The following SYNPO2 variants were observed in gnomAD, a reference collection of about 807,000 sequenced individuals.
The protein encoded by SYNPO2 is synaptopodin-2.
A neutral mutation model predicts 85.0 loss-of-function variants in SYNPO2; 56 were observed. That is an observed-to-expected ratio of 0.66 (90% confidence interval 0.53 to 0.82). SYNPO2 has a LOEUF of 0.82. Among genes scored for constraint, SYNPO2 ranks in the 40% least tolerant of loss-of-function variants. The pLI, the probability that SYNPO2 is intolerant of heterozygous loss-of-function variation, is 0.00. For synonymous variants in SYNPO2, 602 were observed against 591.1 expected (o/e 1.02, Z -0.27); for missense variants, 1,575 against 1,534.2 (o/e 1.03, Z -0.44).
chr4:119,004,568 A>G (rs1736951266), intron 1 of SYNPO2, among the ~76,000 whole-genome samples: 1 of 148,980 alleles, frequency 6.7e-6, no homozygotes, highest in Non-Finnish European at 1.5e-5. Flanking sequence ...ATCATTTTTT[A>G]TGGCTGCATA....
chr4:118,945,609 AAAGTTTCATAAC>A (rs1324662595), intron 1 of SYNPO2, among the ~76,000 whole-genome samples: 1 of 152,220 alleles, frequency 6.6e-6, no homozygotes, highest in Admixed American at 6.5e-5. Flanking sequence ...TTTATTTTCC[AAAGTTTCATAAC>A]ACAACATACC....
rs187604049 is a variant in SYNPO2, at chr4:119,032,994, A to G, written c.3252+967A>G. 8.6e-3 allele frequency: 8,419 copies of G among 978,930 alleles called. 40 individuals are homozygous for G. The highest frequency in any genetic ancestry group is 0.024 in the Middle Eastern group (45 of 1,906). The allele number at this position is 978,930 out of a possible 1,614,324, so 60.6% of individuals were successfully genotyped here. A position where few individuals can be genotyped will look rare whatever the true frequency, so the allele number is the denominator to read the frequency against. On this transcript the variant is annotated intron_variant, in intron 4 of 4. Coordinates refer to ENST00000307142, the MANE Select transcript of SYNPO2 (RefSeq NM_133477.3). The stretch of plus-strand genomic sequence containing the variant: ...TACATCTCCAGTTGCCCATGAAAGC[A>G]TAAGTTTGTTTTCCTCAGCTGAGGC...
At chr4:118,987,254 C>T (rs537241084) in intron 1 of SYNPO2, among the ~76,000 whole-genome samples, 5 of 152,250 alleles carry the variant, frequency 3.3e-5, no homozygotes, top group African/African-American at 1.2e-4. Flanking sequence ...CTCATAACAT[C>T]GAATGTCCCA....
At chr4:118,877,582 C>T (rs1484113846) in intron 1 of SYNPO2, among the ~76,000 whole-genome samples, 8 of 152,058 alleles carry the variant, frequency 5.3e-5, no homozygotes, top group South Asian at 2.1e-4. Flanking sequence ...GACATATACG[C>T]GGCCAACAAG....
chr4:118,964,221 G>A (rs1286945568), intron 1 of SYNPO2, among the ~76,000 whole-genome samples: 6 of 151,992 alleles, frequency 3.9e-5, no homozygotes, highest in East Asian at 3.9e-4. Flanking sequence ...AGGTTGAGGC[G>A]GGCAGATTAC....
intron 1 of SYNPO2, among the ~76,000 whole-genome samples, chr4:118,946,723 GTACTT>G (rs1445267024): frequency 1.3e-5 from 2 of 152,112 alleles, no homozygotes; most frequent in Non-Finnish European, 2.9e-5. Flanking sequence ...TTACAATAAA[GTACTT>G]TAGTCTCCTT....
intron 1 of SYNPO2, among the ~76,000 whole-genome samples, chr4:118,970,413 A>G (rs1735494761): frequency 6.6e-6 from 1 of 152,258 alleles, no homozygotes; most frequent in African/African-American, 2.4e-5. Context: ...CACAGTCACT[A>G]GTGAATAACT....
chr4:118,956,106 A>G (rs1042332260), intron 1 of SYNPO2, among the ~76,000 whole-genome samples: 1 of 152,216 alleles, frequency 6.6e-6, no homozygotes, highest in Non-Finnish European at 1.5e-5. Flanking sequence ...ATGGAATCCA[A>G]AGAAAAAGTA....
intron 1 of SYNPO2, among the ~76,000 whole-genome samples, chr4:118,999,754 T>C (rs552782447): frequency 6.6e-6 from 1 of 152,256 alleles, no homozygotes; most frequent in Admixed American, 6.5e-5. Context: ...GCAGGATAAA[T>C]CATATTTGAA....
intron 1 of SYNPO2, among the ~76,000 whole-genome samples, chr4:118,878,865 G>A (rs575905311): frequency 1.7e-4 from 26 of 152,318 alleles, no homozygotes; most frequent in Non-Finnish European, 1.5e-4. Context: ...CACCCACTCA[G>A]GTCCTTTTCT....
chr4:118,944,974 T>C (rs1734447059), intron 1 of SYNPO2, among the ~76,000 whole-genome samples: 1 of 152,216 alleles, frequency 6.6e-6, no homozygotes, highest in Admixed American at 6.5e-5. Context: ...GTGCATGACC[T>C]TGGACTAGTT....
chr4:118,851,061 T>TA (rs1205044454), intron 1 of SYNPO2: 4 of 397,532 alleles, frequency 1.0e-5, no homozygotes, highest in Non-Finnish European at 1.8e-5. Context: ...CTCATACCTT[T>TA]CATCTTTTCA....
intron 1 of SYNPO2, among the ~76,000 whole-genome samples, chr4:118,957,053 T>C (rs1241699865): frequency 6.8e-6 from 1 of 146,558 alleles, no homozygotes; most frequent in Non-Finnish European, 1.5e-5. Flanking sequence ...TCAAAAAAAA[T>C]AAAAAAAATA....
At chr4:118,862,684 G>C (rs562468969) in intron 1 of SYNPO2, among the ~76,000 whole-genome samples, 1 of 152,212 alleles carries the variant, frequency 6.6e-6, no homozygotes, top group South Asian at 2.1e-4. Flanking sequence ...ATCCCATTTG[G>C]TCATGATGAA....
intron 1 of SYNPO2, among the ~76,000 whole-genome samples, chr4:118,876,670 TTTCTTTCTTTCTTTCTTTCTTTC>T (rs1731920604): frequency 5.9e-4 from 1 of 1,706 alleles, no homozygotes; most frequent in African/African-American, 2.6e-3. Flanking sequence ...TTCCTTTCTC[TTTCTTTCTTTCTTTCTTTCTTTC>T]TTTCTTTCTT....
In SYNPO2 at chr4:119,026,943, C is replaced by T; in HGVS notation, c.574C>T (p.Gln192Ter). 1 of 1,614,032 alleles carries T rather than the reference C, an allele frequency of 6.2e-7. No individual in the cohort carries two copies. The highest frequency in any genetic ancestry group is 8.5e-7 in the Non-Finnish European group (1 of 1,180,026). ...CTTAAGGGAGAAGGTAGAAGCGGTACAGCCTGGGCCTGTGGTTGAGCTGCA... is the reference window on the plus strand; with the variant it reads ...CTTAAGGGAGAAGGTAGAAGCGGTATAGCCTGGGCCTGTGGTTGAGCTGCA... ...LILREKVEAV[Q>*]PGPVVELQLS... Residue 192 changes from glutamine (Q) to a stop codon, truncating the protein, a stop_gained, in exon 3 of 5, where the codon CAG becomes TAG. Transcript: ENST00000307142. LOFTEE classifies it high-confidence loss of function.
chr4:119,027,983 C>T (rs186307095), intron 3 of SYNPO2, among the ~76,000 whole-genome samples: 7 of 152,264 alleles, frequency 4.6e-5, no homozygotes, highest in Admixed American at 1.3e-4. Flanking sequence ...TGATCCTCTC[C>T]GTTGTGTAAG....
chr4:118,884,872 C>G (rs893448475), upstream of SYNPO2, among the ~76,000 whole-genome samples: 8 of 152,086 alleles, frequency 5.3e-5, no homozygotes. Flanking sequence ...GGTTAATAAC[C>G]TAGCATAGGA....
intron 1 of SYNPO2, among the ~76,000 whole-genome samples, chr4:118,977,558 G>C (rs933882376): frequency 6.6e-6 from 1 of 152,228 alleles, no homozygotes; most frequent in Admixed American, 6.5e-5. Context: ...GGCAGGGGAG[G>C]TGCCGAGAGC....
Sources: allele counts gnomAD v4.1 joint callset (sites outside exome capture counted in the v4.1 genomes callset), GRCh38; gene constraint gnomAD v4.1.1; transcripts MANE v1.5; gene names NCBI Gene and HGNC (gene_info 2026-07-23, HGNC 2026-07-21).